BLTP1: variants seen among roughly 807,000 people sequenced by gnomAD.
BLTP1 encodes the protein fragile site-associated protein.
chr4:122,228,716 G>A, the BLTP1 span, among the ~76,000 whole-genome samples: 1 of 151,538 alleles, frequency 6.6e-6, no homozygotes, highest in Non-Finnish European at 1.5e-5. Context: ...GTGTGTGTGT[G>A]TGAAAATACA....
At chr4:122,235,393 T>C in the BLTP1 span, 1 of 982,494 alleles carries the variant, frequency 1.0e-6, no homozygotes, top group Non-Finnish European at 1.2e-6. Context: ...TTTTATAGGA[T>C]AACTTTTGGA....
the BLTP1 span, among the ~76,000 whole-genome samples, chr4:122,171,304 G>T: frequency 1.2e-4 from 18 of 152,072 alleles, no homozygotes; most frequent in Non-Finnish European, 2.2e-4. Flanking sequence ...GAGTGAATAT[G>T]AATGAATGAG....
the BLTP1 span, chr4:122,263,964 A>G: frequency 2.7e-6 from 1 of 372,884 alleles, no homozygotes; most frequent in Non-Finnish European, 3.7e-6. Context: ...AATAACTATC[A>G]TTCTAAACCT....
the BLTP1 span, among the ~76,000 whole-genome samples, chr4:122,153,676 C>G: frequency 2.0e-5 from 3 of 152,148 alleles, no homozygotes; most frequent in African/African-American, 4.8e-5. Context: ...TGGCACTGTT[C>G]TTGCCGGCAA....
the BLTP1 span, among the ~76,000 whole-genome samples, chr4:122,342,424 C>T: frequency 6.6e-6 from 1 of 152,014 alleles, no homozygotes; most frequent in Non-Finnish European, 1.5e-5. Context: ...GGCGCCATCT[C>T]AGCTCACTGC....
At chr4:122,251,343 G>T in the BLTP1 span, 1 of 981,818 alleles carries the variant, frequency 1.0e-6, no homozygotes, top group Non-Finnish European at 1.2e-6. Context: ...AGAGGAAAAA[G>T]TTCCAAAGAA....
chr4:122,215,681 TTTTG>T, the BLTP1 span: 1 of 556,962 alleles, frequency 1.8e-6, no homozygotes, highest in Non-Finnish European at 2.3e-6. Flanking sequence ...CATCTTTAAG[TTTTG>T]TTTGTTTGTT....
chr4:122,261,464 C>T, the BLTP1 span: 5 of 983,010 alleles, frequency 5.1e-6, no homozygotes, highest in South Asian at 2.4e-4. Flanking sequence ...TTTTTTTGTA[C>T]TGTATTTTAA....
chr4:122,262,133 C>A, the BLTP1 span, among the ~76,000 whole-genome samples: 3 of 133,462 alleles, frequency 2.2e-5, no homozygotes, highest in Admixed American at 8.0e-5. Context: ...TGGGATCAGT[C>A]ATGTTACAGA....
At chr4:122,322,939 G>A in the BLTP1 span, among the ~76,000 whole-genome samples, 3 of 152,056 alleles carry the variant, frequency 2.0e-5, no homozygotes, top group African/African-American at 7.2e-5. Flanking sequence ...CCCCGTGTTG[G>A]AAGCCTAGGG....
chr4:122,301,075 T>C, the BLTP1 span: 1 of 893,112 alleles, frequency 1.1e-6, no homozygotes, highest in Non-Finnish European at 1.3e-6. Flanking sequence ...CAATAATATA[T>C]ACAGTGTTTT....
chr4:122,249,093 C>T, the BLTP1 span: 16 of 891,772 alleles, frequency 1.8e-5, no homozygotes, highest in Non-Finnish European at 2.1e-5. Flanking sequence ...TTAGTAAAAG[C>T]TATAATTTGC....
At chr4:122,334,782 G>A in the BLTP1 span, among the ~76,000 whole-genome samples, 2 of 151,886 alleles carry the variant, frequency 1.3e-5, no homozygotes, top group Admixed American at 6.6e-5. Flanking sequence ...AATAGTTTAC[G>A]TAATTAAATT....
chr4:122,318,101 C>T, the BLTP1 span: 1 of 1,565,978 alleles, frequency 6.4e-7, no homozygotes, highest in Non-Finnish European at 8.6e-7. Flanking sequence ...ATCAGTCTTA[C>T]TTTGTTATTT....
At chr4:122,199,267 C>CT in the BLTP1 span, 2 of 1,513,652 alleles carry the variant, frequency 1.3e-6, no homozygotes, top group South Asian at 2.6e-5. Flanking sequence ...AGGATTCCTT[C>CT]TTTGAGTGGT....
chr4:122,252,201 T>G, the BLTP1 span, among the ~76,000 whole-genome samples: 1 of 152,176 alleles, frequency 6.6e-6, no homozygotes, highest in African/African-American at 2.4e-5. Context: ...TGTGCTGGTT[T>G]AGGTGTGACC....
chr4:122,229,118 TAGTTG>T, the BLTP1 span: 1 of 1,585,402 alleles, frequency 6.3e-7, no homozygotes, highest in Non-Finnish European at 8.6e-7. Flanking sequence ...TTTTTTATTT[TAGTTG>T]AGTTGTATTC....
chr4:122,164,493 C>T, the BLTP1 span: 1 of 832,584 alleles, frequency 1.2e-6, no homozygotes, highest in East Asian at 1.2e-4. Context: ...AGGAATATCA[C>T]AGAAGTGAGA....
the BLTP1 span, among the ~76,000 whole-genome samples, chr4:122,195,302 T>C: frequency 1.3e-5 from 2 of 152,246 alleles, no homozygotes; most frequent in Non-Finnish European, 2.9e-5. Context: ...TAAGATATTA[T>C]TCAGTTTTTA....
Sources: gnomAD v4.1 joint callset for allele counts (sites outside exome capture counted in the v4.1 genomes callset) on GRCh38, gnomAD v4.1.1 for gene constraint, MANE v1.5 for transcripts, NCBI Gene and HGNC (gene_info 2026-07-23, HGNC 2026-07-21) for gene names.